PRH1: variants seen among roughly 807,000 people sequenced by gnomAD.
PRH1 encodes salivary acidic proline-rich phosphoprotein 1/2.
A neutral mutation model predicts 7.9 loss-of-function variants in PRH1; 7 were observed. That is an observed-to-expected ratio of 0.89 (90% CI 0.50 to 1.67). The LOEUF is 1.67. PRH1 is among the 40% of genes most tolerant of loss of function. The pLI is 0.00. For synonymous variants in PRH1, 45 were observed against 80.8 expected (o/e 0.56, Z 2.38); for missense variants, 109 against 223.6 (o/e 0.49, Z 3.27).
intron 2 of PRH1, among the ~76,000 whole-genome samples, chr12:10,913,851 CT>C (rs369738791): frequency 6.6e-6 from 1 of 152,282 alleles, no homozygotes; most frequent in Non-Finnish European, 1.5e-5. Flanking sequence ...AGCCTGGATT[CT>C]TTTGTGACCA....
chr12:10,983,611 C>T lies in PRH1; in HGVS notation c.-125-9890G>A, dbSNP rs545121737. Reference sequence around the variant, plus strand: ...AGTTCTGCCTCAGGGAAACCCTGGCCAATGGGAAATAGAAGACAGAAGACA... The same window carrying T: ...AGTTCTGCCTCAGGGAAACCCTGGCTAATGGGAAATAGAAGACAGAAGACA... On this transcript the variant is annotated intron_variant, in intron 1 of 3. Coordinates refer to the PRH1 transcript ENST00000539853. 1.1e-3 allele frequency among the ~76,000 whole-genome samples: 165 copies of T among 152,258 alleles called. 1 individual carries two copies. Among genetic ancestry groups the T allele is most frequent in the African/African-American group, 3.8e-3 (159 of 41,554 alleles).
At chr12:10,907,567 T>C (rs1462973535) in intron 2 of PRH1, among the ~76,000 whole-genome samples, 1 of 152,060 alleles carries the variant, frequency 6.6e-6, no homozygotes, top group Non-Finnish European at 1.5e-5. Flanking sequence ...TCTATAGATA[T>C]ATAGATGCAT....
chr12:10,888,781 G>A (rs148877373), upstream of PRH1, among the ~76,000 whole-genome samples: 386 of 152,258 alleles, frequency 2.5e-3, 2 homozygotes, highest in African/African-American at 8.9e-3. Context: ...CATGTACATA[G>A]CTTATAATCT....
intron 2 of PRH1, among the ~76,000 whole-genome samples, chr12:10,916,838 A>G (rs1018243393): frequency 1.3e-4 from 20 of 152,098 alleles, no homozygotes; most frequent in African/African-American, 4.6e-4. Flanking sequence ...TCTTGAGCCC[A>G]GGAGTTTGAG....
At chr12:10,999,129 G>T (rs960742005) in intron 1 of PRH1, among the ~76,000 whole-genome samples, 2 of 152,076 alleles carry the variant, frequency 1.3e-5, no homozygotes, top group Admixed American at 6.6e-5. Context: ...AAACATGTGA[G>T]ATATAAATAT....
chr12:10,903,912 A>G (rs11054068), intron 2 of PRH1, among the ~76,000 whole-genome samples: 57,776 of 125,966 alleles, frequency 0.46, 15,507 homozygotes, highest in East Asian at 0.69. Context: ...CAAGAATGCA[A>G]TCCCATTTAC....
At chr12:11,028,402 T>C (rs1942023861) in intron 1 of PRH1, among the ~76,000 whole-genome samples, 1 of 152,214 alleles carries the variant, frequency 6.6e-6, no homozygotes, top group Non-Finnish European at 1.5e-5. Context: ...CTCTCTCACC[T>C]CACTGTGAAG....
Position 11,053,856 on chromosome 12 carries a change from T to G in PRH1, n.124-6668A>C, listed in dbSNP as rs528424835. ...TGTGTGTGAGATGGAGTTTCGCTCT[T>G]GTCACCCAGGCTGCAGTGCAATGGC... On this transcript the variant is annotated intron_variant and non_coding_transcript_variant, in intron 1 of 4. Transcript: ENST00000541977. 1.6e-4 allele frequency among the ~76,000 whole-genome samples: 24 copies of G among 149,806 alleles called. No homozygotes were observed. The East Asian group carries it at 3.9e-3, about 24-fold the overall frequency.
chr12:10,928,073 A>G (rs900685465), intron 2 of PRH1, among the ~76,000 whole-genome samples: 15 of 150,900 alleles, frequency 9.9e-5, no homozygotes, highest in African/African-American at 2.9e-4. Flanking sequence ...ATCTCCCACA[A>G]GTCATGTGGG....
intron 2 of PRH1, chr12:10,938,251 T>C (rs919144809): frequency 5.8e-6 from 9 of 1,551,384 alleles, no homozygotes; most frequent in East Asian, 4.5e-5. Flanking sequence ...TTTTCTAATA[T>C]ATTCAAGATG....
intron 1 of PRH1, among the ~76,000 whole-genome samples, chr12:10,993,193 C>T (rs983408515): frequency 3.9e-5 from 6 of 152,084 alleles, no homozygotes; most frequent in African/African-American, 1.2e-4. Flanking sequence ...TTGTATGAGG[C>T]GTTTGATTTG....
chr12:11,078,337 A>T (rs72477432), intron 1 of PRH1: 57,751 of 164,698 alleles, frequency 0.35, 11,600 homozygotes, highest in Admixed American at 0.41. Context: ...ACACTTGATT[A>T]CTAAATGTGC....
chr12:11,048,717 G>A, upstream of PRH1: 1 of 414,344 alleles, frequency 2.4e-6, no homozygotes, highest in Non-Finnish European at 4.6e-6. Flanking sequence ...TTGCTGGCAT[G>A]GTTACAGTCA....
intron 2 of PRH1, among the ~76,000 whole-genome samples, chr12:10,969,290 C>A (rs1259677019): frequency 6.6e-6 from 1 of 152,158 alleles, no homozygotes; most frequent in African/African-American, 2.4e-5. Flanking sequence ...CGATCTTCAG[C>A]CACTTCTCAC....
intron 2 of PRH1, among the ~76,000 whole-genome samples, chr12:10,956,265 T>A (rs761439958): frequency 2.0e-5 from 3 of 152,206 alleles, no homozygotes; most frequent in Non-Finnish European, 4.4e-5. Flanking sequence ...CAAGTTTGGT[T>A]AAACACATGT....
intron 1 of PRH1, among the ~76,000 whole-genome samples, chr12:11,046,301 T>C (rs1368848323): frequency 6.6e-6 from 1 of 152,166 alleles, no homozygotes; most frequent in Non-Finnish European, 1.5e-5. Flanking sequence ...TGATGATAAC[T>C]GAAATCTCAA....
intron 2 of PRH1, chr12:10,908,116 AGTATAT>A: frequency 2.5e-6 from 1 of 397,588 alleles, no homozygotes. Flanking sequence ...AGTATGCTGT[AGTATAT>A]GTTTTTAATT....
chr12:11,168,428 AAAG>A (rs777454016), intron 1 of PRH1, among the ~76,000 whole-genome samples: 2 of 150,632 alleles, frequency 1.3e-5, no homozygotes, highest in East Asian at 1.9e-4. Flanking sequence ...AAGGAAAAGA[AAAG>A]AAAAGAAAAA....
intron 1 of PRH1, chr12:10,997,892 A>T: frequency 6.5e-7 from 1 of 1,546,568 alleles, no homozygotes; most frequent in Admixed American, 2.0e-5. Context: ...ACAAAAAAGC[A>T]AGTAAAAAAT....
Sources: gnomAD v4.1 joint callset for allele counts (sites outside exome capture counted in the v4.1 genomes callset) on GRCh38, gnomAD v4.1.1 for gene constraint, MANE v1.5 for transcripts, NCBI Gene and HGNC (gene_info 2026-07-23, HGNC 2026-07-21) for gene names.